METTL25: variants seen among roughly 807,000 people sequenced by gnomAD.
METTL25 encodes the protein probable methyltransferase-like protein 25.
In METTL25, 64 loss-of-function variants were observed where a neutral mutation model predicts 71.6. The observed-to-expected ratio is 0.89, with a 90% CI of 0.73 to 1.10. METTL25 has a LOEUF of 1.10. Ranked by LOEUF, METTL25 falls within the 50% of genes least tolerant of loss-of-function variation. The pLI is 0.00. For synonymous variants in METTL25, 287 were observed against 250.3 expected, an observed-to-expected ratio of 1.15 and a Z score of -1.38; for missense variants, 807 against 707.0, an observed-to-expected ratio of 1.14 and a Z score of -1.60.
At chr12:82,363,210 T>C (rs890245577) in intron 1 of METTL25, among the ~76,000 whole-genome samples, 30 of 152,312 alleles carry the variant, frequency 2.0e-4, no homozygotes, top group African/African-American at 6.7e-4. Flanking sequence ...CTAGAGATCC[T>C]AGCAGAAACA....
intron 8 of METTL25, among the ~76,000 whole-genome samples, chr12:82,451,072 A>T (rs1267574141): frequency 6.6e-6 from 1 of 152,156 alleles, no homozygotes; most frequent in Non-Finnish European, 1.5e-5. Flanking sequence ...AATAGAACCA[A>T]AGAACCTGAC....
In METTL25 at chr12:82,420,541, G is replaced by A. The variant is rs140049937; in HGVS notation, c.1280-10352G>A. Among the ~76,000 whole-genome samples the A allele has an allele frequency of 2.6e-3, 390 of 152,106 alleles. 2 individuals carry two copies. Among genetic ancestry groups the A allele is most frequent in the African/African-American group, 8.9e-3 (368 of 41,502 alleles). ...CCTCAATAAAACAGTTTTAAGAAAA[G>A]AAAGGGAGGGGAAAAATACATATCA... On this transcript the variant is annotated intron_variant, in intron 5 of 11. Coordinates refer to ENST00000248306, the MANE Select transcript of METTL25 (RefSeq NM_032230.3).
Position 82,386,929 on chromosome 12 carries a change from T to C in METTL25, c.386T>C (p.Leu129Ser). 1 of 1,613,410 alleles carries C rather than the reference T, an allele frequency of 6.2e-7. No homozygotes were observed. The highest frequency in any genetic ancestry group is 1.1e-5 in the South Asian group (1 of 91,038). Residue 129 changes from leucine to serine, a missense_variant, in exon 2 of 12, where the codon TTG (leucine) becomes TCG (serine). Coordinates refer to ENST00000248306, the MANE Select transcript of METTL25 (RefSeq NM_032230.3). ...GGAATATGTACTCCTTTTGAACAGT[T>C]GCTTGTAGCCCTTCGAGGAAATCAA... ...NLGICTPFEQ[L>S]LVALRGNQNQ...
chr12:82,434,629 C>T, intron 6 of METTL25, 66 bp from the exon 7 acceptor site: 1 of 1,240,898 alleles, frequency 8.1e-7, no homozygotes, highest in Non-Finnish European at 1.1e-6. Flanking sequence ...AACTCTTATA[C>T]AGTGTGTTTA....
At chr12:82,461,369 T>C (rs1719661137) in intron 9 of METTL25, among the ~76,000 whole-genome samples, 1 of 152,214 alleles carries the variant, frequency 6.6e-6, no homozygotes, top group African/African-American at 2.4e-5. Flanking sequence ...ATACTAAGGA[T>C]GGCCTTATGA....
At chr12:82,404,574 G>A (rs777973956) in intron 5 of METTL25, among the ~76,000 whole-genome samples, 5 of 152,048 alleles carry the variant, frequency 3.3e-5, no homozygotes, top group African/African-American at 4.8e-5. Flanking sequence ...TTTACTATTT[G>A]GTTGTTAGTT....
intron 1 of METTL25, among the ~76,000 whole-genome samples, chr12:82,377,610 T>A (rs1884004694): frequency 6.6e-6 from 1 of 152,168 alleles, no homozygotes; most frequent in South Asian, 2.1e-4. Context: ...AAAAGAATAA[T>A]CTCAGATTGT....
In METTL25 at chr12:82,448,707, T is replaced by G. The variant is rs1467345620; in HGVS notation, c.1479-8020T>G. Among the ~76,000 whole-genome samples, 6 of 152,204 alleles carry G rather than the reference T, an allele frequency of 3.9e-5. No individual in the cohort carries two copies. In the East Asian group the frequency reaches 9.7e-4, roughly 24 times the overall value. The stretch of plus-strand genomic sequence containing the variant: ...ATCTCACAAAATTAAAGATAATCAT[T>G]TAATCCATAATGTGTGGTCAAGTTG... On this transcript the variant is annotated intron_variant, in intron 8 of 11. Coordinates refer to ENST00000248306, the MANE Select transcript of METTL25 (RefSeq NM_032230.3).
At chr12:82,368,963 G>T (rs1882888715) in intron 1 of METTL25, among the ~76,000 whole-genome samples, 1 of 152,192 alleles carries the variant, frequency 6.6e-6, no homozygotes, top group Non-Finnish European at 1.5e-5. Context: ...AAGGGAAGAG[G>T]TTTGAGGAAA....
chr12:82,384,846 T>C (rs1884809265), intron 1 of METTL25, among the ~76,000 whole-genome samples: 1 of 152,114 alleles, frequency 6.6e-6, no homozygotes, highest in South Asian at 2.1e-4. Context: ...ATTATAATGG[T>C]CCCTTTGCAC....
chr12:82,399,233 G>C lies in METTL25; in HGVS notation c.970G>C (p.Glu324Gln). 6.2e-7 allele frequency: 1 copy of C among 1,613,474 alleles called. No homozygotes were observed. Among genetic ancestry groups the C allele is most frequent in the Non-Finnish European group, 8.5e-7 (1 of 1,179,692 alleles). ...AAACCTTTTGCCTATTAATGCTGTA[G>C]AGCCTACTTCTTCACAGCAAATACC... The part of the protein sequence containing the change: ...LINLLPINAV[E>Q]PTSSQQIPNR... Residue 324 changes from glutamate to glutamine, a missense_variant, in exon 4 of 12, where the codon GAG becomes CAG. Physicochemically the swap from Glu to Gln is conservative, Grantham distance 29. Coordinates refer to ENST00000248306, the MANE Select transcript of METTL25 (RefSeq NM_032230.3).
chr12:82,416,554 C>A (rs910006646), intron 5 of METTL25, among the ~76,000 whole-genome samples: 1 of 150,988 alleles, frequency 6.6e-6, no homozygotes, highest in Admixed American at 6.6e-5. Context: ...AGTCCTCCCT[C>A]CCAAGCTTCC....
intron 9 of METTL25, among the ~76,000 whole-genome samples, chr12:82,465,969 C>G (rs536519077): frequency 7.7e-6 from 1 of 130,024 alleles, no homozygotes; most frequent in African/African-American, 2.8e-5. Context: ...TTTGGATCTT[C>G]TTTATTTGAT....
At chr12:82,423,810 T>A (rs557253544) in intron 5 of METTL25, among the ~76,000 whole-genome samples, 9 of 152,164 alleles carry the variant, frequency 5.9e-5, no homozygotes, top group African/African-American at 2.2e-4. Context: ...GGCCATCCGA[T>A]AAATGCAAAT....
chr12:82,371,691 A>G (rs187900770), intron 1 of METTL25, among the ~76,000 whole-genome samples: 1 of 152,022 alleles, frequency 6.6e-6, no homozygotes, highest in African/African-American at 2.4e-5. Context: ...CTTTCTCCTG[A>G]TATCTGTGGC....
intron 9 of METTL25, among the ~76,000 whole-genome samples, chr12:82,465,644 C>CT (rs1453253775): frequency 2.0e-5 from 3 of 151,928 alleles, no homozygotes; most frequent in Non-Finnish European, 2.9e-5. Flanking sequence ...ATTCCCTACA[C>CT]TTTAATTTTT....
chr12:82,431,154 C>A (rs1889469319), intron 6 of METTL25, among the ~76,000 whole-genome samples, 167 bp downstream of exon 6: 1 of 151,252 alleles, frequency 6.6e-6, no homozygotes, highest in Non-Finnish European at 1.5e-5. Context: ...TAAACAATAT[C>A]CACTCTACAT....
intron 11 of METTL25, 133 bp downstream of exon 11, chr12:82,477,485 T>G: frequency 2.2e-6 from 1 of 457,030 alleles, no homozygotes; most frequent in South Asian, 4.6e-5. Flanking sequence ...TTTCATAGTT[T>G]AAATGTTCAT....
chr12:82,429,948 G>T (rs148768914), intron 5 of METTL25, among the ~76,000 whole-genome samples: 22 of 151,596 alleles, frequency 1.5e-4, no homozygotes, highest in African/African-American at 4.6e-4. Flanking sequence ...GATTGTAAAA[G>T]TTAAACTTGT....
Sources: gnomAD v4.1 joint callset for allele counts (sites outside exome capture counted in the v4.1 genomes callset) on GRCh38, gnomAD v4.1.1 for gene constraint, MANE v1.5 for transcripts, NCBI Gene and HGNC (gene_info 2026-07-23, HGNC 2026-07-21) for gene names.